Variants in CEP350 observed in about 807,000 individuals in gnomAD.
CEP350 encodes centrosome-associated protein 350.
CEP350 carries 126 observed loss-of-function variants against 331.8 expected under a neutral mutation model. That is an observed-to-expected ratio of 0.38 (90% confidence interval 0.33 to 0.44). CEP350 has a LOEUF of 0.44. Ranked by LOEUF, CEP350 falls within the 20% of genes least tolerant of loss-of-function variation. The pLI, the probability that CEP350 is intolerant of heterozygous loss-of-function variation, is 1.00. For synonymous variants in CEP350, 1,200 were observed against 1,259.5 expected (o/e 0.95, Z 1.00); for missense variants, 3,406 against 3,634.6 (o/e 0.94, Z 1.62).
chr1:179,969,302 A>C, intron 1 of CEP350: 1 of 499,652 alleles, frequency 2.0e-6, no homozygotes, highest in South Asian at 1.5e-5. Flanking sequence ...CGCTGTGACC[A>C]AGGAAGAATT....
At position 180,020,001 on chromosome 1, in the gene CEP350, G is replaced by A. The variant is rs746585831; in HGVS notation, c.2227G>A (p.Val743Ile). 2 of 1,613,324 alleles carry A rather than the reference G, an allele frequency of 1.2e-6. No individual in the cohort carries two copies. The highest frequency in any genetic ancestry group is 2.7e-5 in the African/African-American group (2 of 74,906). The change falls in exon 12 of 38, where the codon GTT (valine) becomes ATT (isoleucine). Residue 743 changes from valine (V) to isoleucine (I), a missense_variant. Transcript: ENST00000367607. Reference protein sequence around the residue: ...WMQPERLSPQVHHSQPQPFAG... With the variant: ...WMQPERLSPQIHHSQPQPFAG... The stretch of plus-strand genomic sequence containing the variant: ...GCAGCCTGAAAGATTGAGCCCACAA[G>A]TTCACCATTCTCAACCACAGCCTTT...
intron 1 of CEP350, among the ~76,000 whole-genome samples, chr1:179,981,381 A>G (rs1032114604): frequency 7.2e-5 from 11 of 152,226 alleles, no homozygotes; most frequent in African/African-American, 2.7e-4. Flanking sequence ...GTGATCTTGA[A>G]TAATCTGTTT....
At chr1:180,008,262 A>G (rs1465388579) in intron 8 of CEP350, among the ~76,000 whole-genome samples, 2 of 152,218 alleles carry the variant, frequency 1.3e-5, no homozygotes, top group African/African-American at 4.8e-5. Context: ...GCCCTCATCC[A>G]GATTGCCCAA....
chr1:180,039,460 G>A (rs1656606982), intron 17 of CEP350, among the ~76,000 whole-genome samples: 1 of 152,142 alleles, frequency 6.6e-6, no homozygotes, highest in African/African-American at 2.4e-5. Context: ...TGGATTTGAT[G>A]TGAGGAAGAG....
At chr1:180,048,788 G>C in intron 22 of CEP350, 83 bp downstream of exon 22, 1 of 1,085,988 alleles carries the variant, frequency 9.2e-7, no homozygotes, top group Non-Finnish European at 1.3e-6. Context: ...TGGCAAATAA[G>C]CTGGATGTGG....
At chr1:180,034,208 C>T (rs1407464537) in intron 16 of CEP350, 126 bp downstream of exon 16, 1 of 1,210,392 alleles carries the variant, frequency 8.3e-7, no homozygotes, top group Non-Finnish European at 1.1e-6. Flanking sequence ...GATTACTTTT[C>T]AAGTATTAAA....
At chr1:180,085,741 G>T (rs1659824736) in intron 31 of CEP350, 1 of 152,194 alleles carries the variant, frequency 6.6e-6, no homozygotes, top group Admixed American at 6.5e-5. Context: ...AGTATTAGAA[G>T]AGCTCTTTGT....
chr1:180,080,392 A>T, intron 29 of CEP350, 125 bp from the exon 30 acceptor site: 1 of 799,280 alleles, frequency 1.3e-6, no homozygotes, highest in Non-Finnish European at 1.9e-6. Flanking sequence ...TTTTTCACTT[A>T]TGTCTTAACA....
Position 180,098,171 on chromosome 1 carries a change from T to C in CEP350, c.9067-692T>C, listed in dbSNP as rs538949838. Among the ~76,000 whole-genome samples, 10 of 152,272 alleles carry C rather than the reference T, an allele frequency of 6.6e-5. No homozygotes were observed. In the East Asian group the frequency reaches 1.9e-3, roughly 29 times the overall value. ...TTTTAGTAGAGACAGGGTTTCTCCA[T>C]GTTGGTCAGGCTGGTCTCGAACTCC... On this transcript the variant is annotated intron_variant, in intron 36 of 37. Transcript: ENST00000367607.
At chr1:179,963,594 G>A (rs1244389835) in intron 1 of CEP350, among the ~76,000 whole-genome samples, 1 of 151,758 alleles carries the variant, frequency 6.6e-6, no homozygotes, top group Admixed American at 6.6e-5. Flanking sequence ...TATTGAATAG[G>A]TGTCCTTTCC....
rs950477224 is a variant in CEP350 at position 180,001,616 on chromosome 1, T to C, written c.1019-1558T>C. ...AAATGGTAATTCCTAGGAAATCCCA[T>C]ATGTGTAAGGTTTCTTGAGAAATTG... On this transcript the variant is annotated intron_variant, in intron 6 of 37. Transcript: ENST00000367607. Among the ~76,000 whole-genome samples, 3 of 152,186 alleles carry C rather than the reference T, an allele frequency of 2.0e-5. No individual in the cohort carries two copies. The South Asian group carries it at 6.2e-4, about 31-fold the overall frequency.
intron 25 of CEP350, among the ~76,000 whole-genome samples, chr1:180,059,107 A>G (rs755438352): frequency 1.3e-5 from 2 of 152,224 alleles, no homozygotes; most frequent in African/African-American, 2.4e-5. Flanking sequence ...AGTATTCCTT[A>G]GAAGTTGTCT....
At chr1:180,059,479 ATT>A (rs1571937574) in intron 25 of CEP350, among the ~76,000 whole-genome samples, 1 of 152,306 alleles carries the variant, frequency 6.6e-6, no homozygotes, top group East Asian at 1.9e-4. Flanking sequence ...AGAATTATTA[ATT>A]TTATTGTCTT....
chr1:180,010,107 T>G (rs1186271151), intron 8 of CEP350, among the ~76,000 whole-genome samples: 1 of 152,068 alleles, frequency 6.6e-6, no homozygotes, highest in Non-Finnish European at 1.5e-5. Context: ...TTTATTTAAA[T>G]TTTTTTGTAT....
At chr1:179,966,993 C>T (rs143558108) in intron 1 of CEP350, among the ~76,000 whole-genome samples, 307 of 152,156 alleles carry the variant, frequency 2.0e-3, no homozygotes, top group African/African-American at 6.9e-3. Context: ...AATTAAAAAC[C>T]TTAGACAAAT....
chr1:180,036,005 G>A (rs970768079), intron 16 of CEP350, among the ~76,000 whole-genome samples: 4 of 152,182 alleles, frequency 2.6e-5, no homozygotes, highest in Non-Finnish European at 5.9e-5. Flanking sequence ...ATTCGTGGAA[G>A]GAGATCAAAC....
At chr1:180,090,063 T>C (rs1660078249) in intron 32 of CEP350, among the ~76,000 whole-genome samples, 1 of 152,112 alleles carries the variant, frequency 6.6e-6, no homozygotes. Flanking sequence ...TTTGAGCAAA[T>C]AGCTTTGAAC....
chr1:179,973,669 C>G (rs1381554859), intron 1 of CEP350, among the ~76,000 whole-genome samples: 1 of 152,094 alleles, frequency 6.6e-6, no homozygotes, highest in Non-Finnish European at 1.5e-5. Context: ...TATTATGTGA[C>G]TACTTGTAGC....
At chr1:179,957,697 T>C (rs1476832068) in intron 1 of CEP350, among the ~76,000 whole-genome samples, 3 of 152,226 alleles carry the variant, frequency 2.0e-5, no homozygotes, top group East Asian at 3.8e-4. Flanking sequence ...TCCAGAGATA[T>C]GCTCAGATTT....
Sources: allele counts gnomAD v4.1 joint callset (sites outside exome capture counted in the v4.1 genomes callset), GRCh38; gene constraint gnomAD v4.1.1; transcripts MANE v1.5; gene names NCBI Gene and HGNC (gene_info 2026-07-23, HGNC 2026-07-21).